ELAPOR1: variants seen among roughly 807,000 people sequenced by gnomAD.
ELAPOR1 encodes endosome/lysosome-associated apoptosis and autophagy regulator 1.
Under a neutral mutation model 119.7 loss-of-function variants are expected in ELAPOR1, and 77 were observed. The ratio of observed to expected loss-of-function variants is 0.64; its 90% CI spans 0.54 to 0.78. ELAPOR1 has a LOEUF of 0.78. Ranked by LOEUF, ELAPOR1 falls within the 30% of genes least tolerant of loss-of-function variation. The pLI is 0.00. For synonymous variants in ELAPOR1, 481 were observed against 487.2 expected (o/e 0.99, Z 0.17); for missense variants, 1,115 against 1,270.4 (o/e 0.88, Z 1.86).
At chr1:109,190,269 C>T (rs988428622) in intron 11 of ELAPOR1, among the ~76,000 whole-genome samples, 2 of 152,238 alleles carry the variant, frequency 1.3e-5, no homozygotes, top group African/African-American at 2.4e-5. Flanking sequence ...CCTGTTCAGG[C>T]TTCGGGCCCC....
intron 7 of ELAPOR1, among the ~76,000 whole-genome samples, chr1:109,175,981 G>T (rs928058782): frequency 1.3e-5 from 2 of 152,052 alleles, no homozygotes; most frequent in Non-Finnish European, 2.9e-5. Context: ...TGATAACAAG[G>T]TCTAAAGATG....
intron 1 of ELAPOR1, among the ~76,000 whole-genome samples, chr1:109,159,816 T>G (rs1651137385): frequency 6.6e-6 from 1 of 152,176 alleles, no homozygotes. Context: ...GTGAACACAC[T>G]ACACAAAAGA....
intron 7 of ELAPOR1, among the ~76,000 whole-genome samples, chr1:109,183,363 A>T (rs1225138553): frequency 6.9e-6 from 1 of 144,010 alleles, no homozygotes; most frequent in Non-Finnish European, 1.5e-5. Flanking sequence ...AAAAAGAGAG[A>T]GAGAGAGAAA....
At chr1:109,162,489 T>C (rs905332708) in intron 2 of ELAPOR1, among the ~76,000 whole-genome samples, 2 of 152,188 alleles carry the variant, frequency 1.3e-5, no homozygotes, top group African/African-American at 2.4e-5. Flanking sequence ...AAGAATCTTC[T>C]TGACTGTGGG....
intron 18 of ELAPOR1, among the ~76,000 whole-genome samples, 153 bp downstream of exon 18, chr1:109,198,827 A>G (rs1021760418): frequency 5.9e-5 from 9 of 152,256 alleles, no homozygotes; most frequent in African/African-American, 2.2e-4. Flanking sequence ...CCAGACCCTC[A>G]GTCTTCATAT....
intron 1 of ELAPOR1, among the ~76,000 whole-genome samples, chr1:109,143,043 G>A (rs1022151811): frequency 4.6e-5 from 7 of 151,848 alleles, no homozygotes; most frequent in Non-Finnish European, 7.4e-5. Flanking sequence ...TCCGGCTTCC[G>A]GGTTCAAGTT....
chr1:109,177,376 C>T (rs1198164306), intron 7 of ELAPOR1, among the ~76,000 whole-genome samples: 24 of 119,822 alleles, frequency 2.0e-4, no homozygotes, highest in Non-Finnish European at 4.0e-4. Context: ...CCTCACTTCT[C>T]AGACGGGGCG....
chr1:109,166,214 A>C (rs1651592373), intron 3 of ELAPOR1, among the ~76,000 whole-genome samples: 1 of 151,134 alleles, frequency 6.6e-6, no homozygotes, highest in East Asian at 2.0e-4. Context: ...GCACCCAGCT[A>C]ATTTTTTTGT....
chr1:109,115,809 A>G (rs1647959017), intron 1 of ELAPOR1, among the ~76,000 whole-genome samples: 1 of 152,192 alleles, frequency 6.6e-6, no homozygotes, highest in African/African-American at 2.4e-5. Context: ...ATTAGCTCCA[A>G]TGACAACCTG....
intron 1 of ELAPOR1, among the ~76,000 whole-genome samples, chr1:109,154,918 C>T (rs1156620140): frequency 6.6e-6 from 1 of 152,190 alleles, no homozygotes; most frequent in Non-Finnish European, 1.5e-5. Flanking sequence ...GTCTTTGCCA[C>T]AGTCCTTAGA....
intron 1 of ELAPOR1, among the ~76,000 whole-genome samples, chr1:109,155,413 C>T (rs1315081315): frequency 6.6e-6 from 1 of 152,050 alleles, no homozygotes; most frequent in Non-Finnish European, 1.5e-5. Context: ...CTCCTGACCT[C>T]GTGATCCACT....
intron 8 of ELAPOR1, chr1:109,187,140 T>A (rs1570710412): frequency 1.0e-6 from 1 of 985,522 alleles, no homozygotes; most frequent in Non-Finnish European, 1.2e-6. Flanking sequence ...TGATTACATT[T>A]CTGACCTTGG....
chr1:109,132,757 GA>G (rs918894119), intron 1 of ELAPOR1, among the ~76,000 whole-genome samples: 5 of 152,204 alleles, frequency 3.3e-5, no homozygotes, highest in African/African-American at 4.8e-5. Flanking sequence ...AGCAGAGACA[GA>G]AGGAAGGAGA....
intron 7 of ELAPOR1, among the ~76,000 whole-genome samples, chr1:109,177,493 T>C (rs1418316829): frequency 7.9e-5 from 8 of 101,256 alleles, no homozygotes; most frequent in South Asian, 3.5e-4. Flanking sequence ...ACTTCCCAGA[T>C]GGGATGGCGG....
rs1469321114 is a variant in ELAPOR1, at chr1:109,144,056, TA to T, written c.154-17837del. Among the ~76,000 whole-genome samples, 100 of 28,884 alleles carry T rather than the reference TA, an allele frequency of 3.5e-3. 1 individual carries two copies. The highest frequency in any genetic ancestry group is 8.6e-3 in the African/African-American group (100 of 11,582). 18.9% of individuals were successfully genotyped at this position (28,884 alleles called of 152,430 possible). ...AATTATATATATATATATATATATT[TA>T]TATATTTTTTTTTTTTTTTGAGATG... is the stretch of plus-strand genomic sequence containing the variant. On this transcript the variant is annotated intron_variant, in intron 1 of 21. Transcript: ENST00000369939.
chr1:109,136,043 A>G (rs1649446763), intron 1 of ELAPOR1, among the ~76,000 whole-genome samples: 1 of 152,170 alleles, frequency 6.6e-6, no homozygotes, highest in South Asian at 2.1e-4. Context: ...CAAATTTCAC[A>G]GCATGGAACA....
Position 109,191,366 on chromosome 1 carries a change from A to T in ELAPOR1, c.1440A>T (p.Arg480Ser). 1 of 1,612,450 alleles carries T rather than the reference A, an allele frequency of 6.2e-7. No individual in the cohort carries two copies. Among genetic ancestry groups the T allele is most frequent in the Non-Finnish European group, 8.5e-7 (1 of 1,178,608 alleles). ...MILTLVVPGF[R>S]PPQSVMADTE... The stretch of plus-strand genomic sequence containing the variant: ...TGACTTTTAATTTCTGCCCCTACAG[A>T]CCTCCGCAGTCGGTGATGGCAGACA... The change falls in exon 12 of 22, where the codon AGA becomes AGT. Residue 480 changes from arginine (R) to serine (S), a missense_variant and splice_region_variant. By Grantham distance (110) the Arg-to-Ser change is moderately radical. Transcript: ENST00000369939.
intron 1 of ELAPOR1, among the ~76,000 whole-genome samples, chr1:109,123,903 A>G (rs1210003322): frequency 6.6e-6 from 1 of 152,020 alleles, no homozygotes; most frequent in Non-Finnish European, 1.5e-5. Context: ...CCTGGGTTCA[A>G]GCGATTCTCC....
chr1:109,192,559 T>C, intron 13 of ELAPOR1, 52 bp from the exon 14 acceptor site: 6 of 1,584,786 alleles, frequency 3.8e-6, no homozygotes, highest in South Asian at 1.1e-5. Flanking sequence ...GCCTCAATTG[T>C]TGCTGCTGTC....
Sources: allele counts gnomAD v4.1 joint callset (sites outside exome capture counted in the v4.1 genomes callset), GRCh38; gene constraint gnomAD v4.1.1; transcripts MANE v1.5; gene names NCBI Gene and HGNC (gene_info 2026-07-23, HGNC 2026-07-21).